NVL: variants seen among roughly 807,000 people sequenced by gnomAD.
The protein encoded by NVL is nuclear valosin-containing protein-like.
NVL carries 84 observed loss-of-function variants against 110.2 expected under a neutral mutation model. The observed-to-expected ratio is 0.76, with a 90% CI of 0.64 to 0.91. The LOEUF (loss-of-function observed/expected upper bound fraction) is 0.91. Among genes scored for constraint, NVL ranks in the 40% least tolerant of loss-of-function variants. The probability of loss-of-function intolerance (pLI) is 0.00; values close to 1 mark genes in which losing one functional copy is unlikely to be tolerated. For missense variants in NVL, 882 were observed against 1,035.9 expected, an observed-to-expected ratio of 0.85 and a Z score of 2.04; for synonymous variants, 354 against 361.1, an observed-to-expected ratio of 0.98 and a Z score of 0.22.
chr1:224,293,804 T>C (rs1394210946), intron 12 of NVL, among the ~76,000 whole-genome samples: 1 of 152,116 alleles, frequency 6.6e-6, no homozygotes, highest in Non-Finnish European at 1.5e-5. Context: ...TACTGATGAG[T>C]AAATTGTTTT....
intron 19 of NVL, 36 bp downstream of exon 19, chr1:224,250,176 A>C: frequency 6.3e-7 from 1 of 1,595,762 alleles, no homozygotes; most frequent in Non-Finnish European, 8.5e-7. Context: ...AAAACAAGAG[A>C]AACATATACA....
At chr1:224,299,779 C>T (rs939529510) in intron 10 of NVL, among the ~76,000 whole-genome samples, 1 of 152,118 alleles carries the variant, frequency 6.6e-6, no homozygotes, top group South Asian at 2.1e-4. Context: ...GCTTTTTCAA[C>T]GTCAGCCCGC....
chr1:224,322,195 T>C (rs1440725476), intron 2 of NVL, among the ~76,000 whole-genome samples: 1 of 151,916 alleles, frequency 6.6e-6, no homozygotes, highest in Non-Finnish European at 1.5e-5. Flanking sequence ...ATCCTCCTGC[T>C]TCAACTTCCT....
At chr1:224,329,980 T>G in intron 1 of NVL, 91 bp downstream of exon 1, 3 of 1,278,586 alleles carry the variant, frequency 2.3e-6, no homozygotes, top group Non-Finnish European at 3.4e-6. Context: ...ACTAGTTGAG[T>G]TCCACCTGGA....
intron 18 of NVL, among the ~76,000 whole-genome samples, chr1:224,266,828 G>A (rs552284582): frequency 1.3e-5 from 2 of 152,300 alleles, no homozygotes; most frequent in South Asian, 4.1e-4. Context: ...GCTACGTGCT[G>A]TTTAACACCA....
chr1:224,256,093 G>A (rs2102780262), intron 18 of NVL, among the ~76,000 whole-genome samples: 1 of 152,050 alleles, frequency 6.6e-6, no homozygotes, highest in Non-Finnish European at 1.5e-5. Flanking sequence ...TCAGCTCTAT[G>A]CCAATTACCA....
chr1:224,253,030 C>T (rs1161882992), intron 18 of NVL, among the ~76,000 whole-genome samples: 1 of 151,864 alleles, frequency 6.6e-6, no homozygotes, highest in Non-Finnish European at 1.5e-5. Context: ...CAGTAATTTT[C>T]TTGTACAAGT....
Position 224,326,372 on chromosome 1 carries a change from G to A in NVL, c.131+19C>T, listed in dbSNP as rs369540720. The stretch of plus-strand genomic sequence containing the variant: ...AGGAGACATAAAAATCCAAGGATCC[G>A]GAAACTATATTTATTTACCTGTACA... On this transcript the variant is annotated intron_variant, in intron 2 of 22. Coordinates refer to ENST00000281701, the MANE Select transcript of NVL (RefSeq NM_002533.4). 102 of 1,563,912 alleles carry A rather than the reference G, an allele frequency of 6.5e-5. No homozygotes were observed. Among genetic ancestry groups the A allele is most frequent in the Non-Finnish European group, 7.9e-5 (91 of 1,148,230 alleles).
rs397695875 is a variant in NVL at position 224,317,870 on chromosome 1, A to AAC, written c.184+7_184+8insGT. On this transcript the variant is annotated splice_region_variant and intron_variant, in intron 3 of 22. Transcript: ENST00000281701. Reference sequence around the variant, plus strand: ...TATTGATAATTTAGCTCTAACAATAAGACTCACCTTTTTCTACCTGAATCC... The same window carrying AAC: ...TATTGATAATTTAGCTCTAACAATAAACGACTCACCTTTTTCTACCTGAATCC... The AAC allele has an allele frequency of 1.3e-6, 2 of 1,591,786 alleles. No homozygotes were observed. Among genetic ancestry groups the AAC allele is most frequent in the South Asian group, 2.2e-5 (2 of 89,782 alleles).
In NVL at chr1:224,246,689, T is replaced by C. The variant is rs185804873; in HGVS notation, c.2289+3523A>G. 1.1e-4 allele frequency among the ~76,000 whole-genome samples: 17 copies of C among 152,228 alleles called. No homozygotes were observed. The East Asian group carries it at 3.1e-3, about 28-fold the overall frequency. Reference sequence around the variant, plus strand: ...GTGCTTATTTGTATATACATACACATCCACATACATTGACCAAAGCAAACA... The same window carrying C: ...GTGCTTATTTGTATATACATACACACCCACATACATTGACCAAAGCAAACA... On this transcript the variant is annotated intron_variant, in intron 19 of 22. Coordinates refer to ENST00000281701, the MANE Select transcript of NVL (RefSeq NM_002533.4).
At chr1:224,319,194 C>T (rs1670400275) in intron 2 of NVL, among the ~76,000 whole-genome samples, 2 of 147,196 alleles carry the variant, frequency 1.4e-5, no homozygotes, top group South Asian at 4.3e-4. Context: ...TGCATAGCTA[C>T]AATACAATTA....
chr1:224,258,548 T>C (rs1406861099), intron 18 of NVL, among the ~76,000 whole-genome samples: 1 of 152,140 alleles, frequency 6.6e-6, no homozygotes, highest in Non-Finnish European at 1.5e-5. Context: ...CTCCTAGGTA[T>C]AGACCCAGGA....
At chr1:224,254,576 T>TG (rs539491369) in intron 18 of NVL, among the ~76,000 whole-genome samples, 3 of 143,482 alleles carry the variant, frequency 2.1e-5, no homozygotes, top group South Asian at 2.2e-4. Flanking sequence ...TTTTTTGTTT[T>TG]TTTTTTTTTT....
chr1:224,258,890 C>A (rs1436524369), intron 18 of NVL, among the ~76,000 whole-genome samples: 1 of 150,278 alleles, frequency 6.7e-6, no homozygotes. Flanking sequence ...TGCCTAAAAC[C>A]TCAGTACTTT....
intron 19 of NVL, among the ~76,000 whole-genome samples, chr1:224,240,813 CAG>C (rs1661109131): frequency 1.9e-5 from 2 of 104,032 alleles, no homozygotes; most frequent in African/African-American, 7.7e-5. Flanking sequence ...TTTTTTGAGA[CAG>C]AGTCTCGCCC....
chr1:224,228,781 A>G (rs1558223868), intron 22 of NVL, among the ~76,000 whole-genome samples: 2 of 150,384 alleles, frequency 1.3e-5, no homozygotes, highest in Non-Finnish European at 3.0e-5. Context: ...CTACAAAAAT[A>G]CAAAAAAATT....
At position 224,251,271 on chromosome 1, in the gene NVL, C is replaced by CAA. The variant is rs35538758; in HGVS notation, c.2183-955_2183-954dup. Among the ~76,000 whole-genome samples the CAA allele has an allele frequency of 5.2e-3, 323 of 61,956 alleles. 10 individuals carry two copies. Among genetic ancestry groups the CAA allele is most frequent in the Middle Eastern group, 0.026 (2 of 78 alleles). The allele number at this position is 61,956 out of a possible 152,430, so 40.6% of individuals were successfully genotyped here. A position where few individuals can be genotyped will look rare whatever the true frequency, so the allele number is the denominator to read the frequency against. On this transcript the variant is annotated intron_variant, in intron 18 of 22. Coordinates refer to ENST00000281701, the MANE Select transcript of NVL (RefSeq NM_002533.4). ...CCTGGCCAACAGAGTGATACTGTCT[C>CAA]AAAAAAAAAAAAAAAAAAAAAGCAA...
intron 17 of NVL, among the ~76,000 whole-genome samples, chr1:224,271,357 T>C (rs1022084318): frequency 6.6e-6 from 1 of 151,866 alleles, no homozygotes; most frequent in Non-Finnish European, 1.5e-5. Flanking sequence ...GGTGTGGTGG[T>C]GCACACCCGT....
In NVL at chr1:224,321,833, T is replaced by C. The variant is rs563179375; in HGVS notation, c.132-3903A>G. Among the ~76,000 whole-genome samples, 3 of 149,828 alleles carry C rather than the reference T, an allele frequency of 2.0e-5. No homozygotes were observed. In the South Asian group the frequency reaches 6.4e-4, roughly 32 times the overall value. On this transcript the variant is annotated intron_variant, in intron 2 of 22. Transcript: ENST00000281701. ...CTGGATTAGGCTAGTATAGTAATGG[T>C]AGGGAAAGGAGAGAACAGGCATCAT... is the stretch of plus-strand genomic sequence containing the variant.
Sources: gnomAD v4.1 joint callset for allele counts (sites outside exome capture counted in the v4.1 genomes callset) on GRCh38, gnomAD v4.1.1 for gene constraint, MANE v1.5 for transcripts, NCBI Gene and HGNC (gene_info 2026-07-23, HGNC 2026-07-21) for gene names.